The following CACNA1A variants were observed in gnomAD, a reference collection of about 807,000 sequenced individuals.
The protein encoded by CACNA1A is voltage-dependent P/Q-type calcium channel subunit alpha-1A.
In CACNA1A, 57 loss-of-function variants were observed where a neutral mutation model predicts 262.4. That is an observed-to-expected ratio of 0.22 (90% confidence interval 0.18 to 0.27). The LOEUF is 0.27. Ranked by LOEUF, CACNA1A falls within the 10% of genes least tolerant of loss-of-function variation. CACNA1A has a pLI of 1.00. For missense variants in CACNA1A, 2,526 were observed against 3,562.8 expected (o/e 0.71, Z 7.41); for synonymous variants, 1,431 against 1,419.3 (o/e 1.01, Z -0.18).
At chr19:13,481,114 A>G (rs1979250787) in intron 1 of CACNA1A, among the ~76,000 whole-genome samples, 1 of 152,164 alleles carries the variant, frequency 6.6e-6, no homozygotes, top group South Asian at 2.1e-4. Flanking sequence ...AGGATGAGCT[A>G]AATTGATGCA....
At chr19:13,277,276 G>A in intron 22 of CACNA1A, 148 bp from the exon 23 acceptor site, 1 of 581,358 alleles carries the variant, frequency 1.7e-6, no homozygotes, top group Middle Eastern at 2.9e-4. Context: ...GGCGTGCACT[G>A]CACAAGGGCC....
chr19:13,335,609 C>T (rs1203867061), intron 7 of CACNA1A, among the ~76,000 whole-genome samples, 197 bp downstream of exon 7: 1 of 152,038 alleles, frequency 6.6e-6, no homozygotes, highest in Non-Finnish European at 1.5e-5. Flanking sequence ...CCATATGAAC[C>T]CTCTCACTGG....
At chr19:13,302,544 TGAAA>T (rs2057807829) in intron 17 of CACNA1A, among the ~76,000 whole-genome samples, 2 of 152,162 alleles carry the variant, frequency 1.3e-5, no homozygotes, top group Non-Finnish European at 2.9e-5. Context: ...GTAGGATCAA[TGAAA>T]GAAAGAATGT....
At chr19:13,404,207 G>A (rs1355583426) in intron 3 of CACNA1A, among the ~76,000 whole-genome samples, 1 of 150,442 alleles carries the variant, frequency 6.6e-6, no homozygotes, top group Non-Finnish European at 1.5e-5. Flanking sequence ...CACACACACA[G>A]TAATAAGGTT....
At chr19:13,469,954 A>G (rs1205347330) in intron 1 of CACNA1A, among the ~76,000 whole-genome samples, 1 of 152,062 alleles carries the variant, frequency 6.6e-6, no homozygotes, top group African/African-American at 2.4e-5. Flanking sequence ...CCATCCCTGC[A>G]TGAACTCAAC....
At chr19:13,248,869 C>G (rs893011218) in intron 30 of CACNA1A, among the ~76,000 whole-genome samples, 4 of 151,716 alleles carry the variant, frequency 2.6e-5, no homozygotes, top group Admixed American at 6.6e-5. Flanking sequence ...TAATAAATTA[C>G]AGATTCAGTG....
chr19:13,461,049 CA>C (rs1347118349), intron 1 of CACNA1A, among the ~76,000 whole-genome samples: 1 of 152,010 alleles, frequency 6.6e-6, no homozygotes, highest in Non-Finnish European at 1.5e-5. Flanking sequence ...CAAAAAACAC[CA>C]GTGGAAGGGC....
At position 13,463,607 on chromosome 19, in the gene CACNA1A, C is replaced by A. The variant is rs552529422; in HGVS notation, c.294-8395G>T. On this transcript the variant is annotated intron_variant, in intron 1 of 46. Transcript: ENST00000360228. ...AAAACCAGCAGCAACTATTAACACT[C>A]TCTGAGACATCTGCAAAGACCTACA... 2.6e-5 allele frequency among the ~76,000 whole-genome samples: 4 copies of A among 152,330 alleles called. No homozygotes were observed. In the South Asian group the frequency reaches 8.3e-4, roughly 32 times the overall value.
intron 1 of CACNA1A, among the ~76,000 whole-genome samples, chr19:13,503,232 G>C (rs527256717): frequency 2.5e-4 from 38 of 152,256 alleles, no homozygotes; most frequent in Admixed American, 7.2e-4. Flanking sequence ...ATGTTTAAAA[G>C]AGGCAAAATG....
At chr19:13,341,375 GA>G (rs1406990395) in intron 6 of CACNA1A, among the ~76,000 whole-genome samples, 4 of 152,080 alleles carry the variant, frequency 2.6e-5, no homozygotes, top group African/African-American at 7.2e-5. Flanking sequence ...AACTGCGAGA[GA>G]ATAAATAAAT....
At chr19:13,503,468 AT>A (rs1039522363) in intron 1 of CACNA1A, among the ~76,000 whole-genome samples, 44 of 150,276 alleles carry the variant, frequency 2.9e-4, no homozygotes, top group Admixed American at 7.3e-4. Flanking sequence ...ATGCTGAAAC[AT>A]TTTTTTTTAA....
chr19:13,253,177 G>T (rs775008783), intron 29 of CACNA1A, 76 bp from the exon 30 acceptor site: 1 of 895,084 alleles, frequency 1.1e-6, no homozygotes, highest in Non-Finnish European at 1.8e-6. Flanking sequence ...CAGCTTCATG[G>T]CTGTTCTCCA....
intron 1 of CACNA1A, among the ~76,000 whole-genome samples, chr19:13,498,995 AG>A (rs1256710092): frequency 6.6e-6 from 1 of 152,214 alleles, no homozygotes; most frequent in African/African-American, 2.4e-5. Flanking sequence ...TTCCCTCGCC[AG>A]GAATGTTCCT....
intron 11 of CACNA1A, among the ~76,000 whole-genome samples, chr19:13,313,942 C>T (rs1408678259): frequency 6.6e-6 from 1 of 152,194 alleles, no homozygotes; most frequent in Non-Finnish European, 1.5e-5. Context: ...TTTCTCCTAA[C>T]TCAGAAAACT....
At position 13,317,095 on chromosome 19, in the gene CACNA1A, G is replaced by A. The variant is rs1222239655; in HGVS notation, c.1555+17C>T. On this transcript the variant is annotated intron_variant, in intron 11 of 46. Transcript: ENST00000360228. ...GGGATCAGGGAGTTGGCAGGGGTGG[G>A]GCTGGGTGATACTCACAAAGGAAGT... The A allele has an allele frequency of 8.9e-6, 14 of 1,571,072 alleles. No individual in the cohort carries two copies. Among genetic ancestry groups the A allele is most frequent in the South Asian group, 1.1e-5 (1 of 89,576 alleles).
intron 4 of CACNA1A, among the ~76,000 whole-genome samples, chr19:13,367,331 G>T (rs531310073): frequency 2.7e-5 from 4 of 148,132 alleles, no homozygotes; most frequent in African/African-American, 9.9e-5. Context: ...GCAGAACTAG[G>T]ATTTGAACCC....
intron 17 of CACNA1A, among the ~76,000 whole-genome samples, chr19:13,302,530 G>C (rs999143945): frequency 2.0e-5 from 3 of 152,220 alleles, no homozygotes; most frequent in Non-Finnish European, 2.9e-5. Flanking sequence ...ACCAAGAAAT[G>C]CTTGTAGGAT....
intron 11 of CACNA1A, among the ~76,000 whole-genome samples, chr19:13,312,982 C>T (rs767128261): frequency 2.0e-5 from 3 of 152,120 alleles, no homozygotes; most frequent in Non-Finnish European, 4.4e-5. Context: ...GCTAGAACTA[C>T]AGGCATGTGT....
Position 13,210,695 on chromosome 19 carries a change from A to G in CACNA1A, c.6304-43T>C, listed in dbSNP as rs943154866. ...GATGGTGCACACAGAAAAAACAGAAAGAAGAAAATAAATATAAAAGGCAAG... is the reference window on the plus strand; with the variant it reads ...GATGGTGCACACAGAAAAAACAGAAGGAAGAAAATAAATATAAAAGGCAAG... On this transcript the variant is annotated intron_variant, in intron 43 of 46. Transcript: ENST00000360228. 3 of 1,548,174 alleles carry G rather than the reference A, an allele frequency of 1.9e-6. No individual in the cohort carries two copies. The African/African-American group carries it at 4.1e-5, about 21-fold the overall frequency.
Sources: gnomAD v4.1 joint callset for allele counts (sites outside exome capture counted in the v4.1 genomes callset) on GRCh38, gnomAD v4.1.1 for gene constraint, MANE v1.5 for transcripts, NCBI Gene and HGNC (gene_info 2026-07-23, HGNC 2026-07-21) for gene names.